The following ZBTB20 variants were observed in gnomAD, a reference collection of about 807,000 sequenced individuals.
ZBTB20 encodes zinc finger and BTB domain-containing protein 20.
In ZBTB20, 9 loss-of-function variants were observed where a neutral mutation model predicts 56.9. The observed-to-expected ratio is 0.16, with a 90% CI of 0.10 to 0.28. ZBTB20 has a LOEUF of 0.28. Ranked by LOEUF, ZBTB20 falls within the 10% of genes least tolerant of loss-of-function variation. The pLI, the probability that ZBTB20 is intolerant of heterozygous loss-of-function variation, is 1.00. For missense variants in ZBTB20, 655 were observed against 1,003.0 expected, an observed-to-expected ratio of 0.65 and a Z score of 4.69; for synonymous variants, 417 against 420.7, an observed-to-expected ratio of 0.99 and a Z score of 0.11.
At chr3:114,659,621 T>C (rs1264981458) in intron 6 of ZBTB20, among the ~76,000 whole-genome samples, 1 of 152,160 alleles carries the variant, frequency 6.6e-6, no homozygotes, top group African/African-American at 2.4e-5. Flanking sequence ...AGAACTTACT[T>C]GGTCCCTTGT....
At chr3:114,654,129 CTT>C (rs1271570639) in intron 6 of ZBTB20, among the ~76,000 whole-genome samples, 2 of 151,360 alleles carry the variant, frequency 1.3e-5, no homozygotes, top group Non-Finnish European at 3.0e-5. Flanking sequence ...TATTTGTTTT[CTT>C]TTTTTACTGC....
At chr3:115,129,098 CA>C (rs910104429) in intron 1 of ZBTB20, among the ~76,000 whole-genome samples, 78 of 140,676 alleles carry the variant, frequency 5.5e-4, no homozygotes, top group African/African-American at 1.2e-3. Flanking sequence ...GACTCCGTCT[CA>C]AAAAAAAAAA....
At chr3:114,460,925 G>A (rs2092300111) in intron 7 of ZBTB20, among the ~76,000 whole-genome samples, 1 of 152,150 alleles carries the variant, frequency 6.6e-6, no homozygotes, top group Non-Finnish European at 1.5e-5. Flanking sequence ...AAGTCAAGGA[G>A]GGTCTTTTCT....
chr3:115,031,820 A>C (rs1260218455), intron 2 of ZBTB20, among the ~76,000 whole-genome samples: 2 of 151,488 alleles, frequency 1.3e-5, no homozygotes, highest in Non-Finnish European at 3.0e-5. Flanking sequence ...ATTAGTACAA[A>C]ATGATTTGGT....
In ZBTB20 at chr3:114,338,815, C is replaced by T. The variant is rs2079553487; in HGVS notation, c.*190G>A. The T allele has an allele frequency of 1.7e-6, 1 of 587,876 alleles. No individual in the cohort carries two copies. 36.4% of individuals were successfully genotyped at this position (587,876 alleles called of 1,614,324 possible). A position where few individuals can be genotyped will look rare whatever the true frequency, so the allele number is the denominator to read the frequency against. On this transcript the variant is annotated 3_prime_UTR_variant, in exon 12 of 12. Transcript: ENST00000675478. ...GGAAAACTATTATTCACCCAAGCCT[C>T]CGGAAATGTAATGTACCAGCAGGCA...
At chr3:115,143,537 T>C (rs890554289) in intron 1 of ZBTB20, among the ~76,000 whole-genome samples, 2 of 152,122 alleles carry the variant, frequency 1.3e-5, no homozygotes, top group East Asian at 3.8e-4. Flanking sequence ...CTGAAAAAGA[T>C]TTAGGTACTT....
At chr3:114,815,659 T>C (rs2072863417) in intron 4 of ZBTB20, among the ~76,000 whole-genome samples, 1 of 152,178 alleles carries the variant, frequency 6.6e-6, no homozygotes. Context: ...TACTACTCAT[T>C]GTTATTGCTT....
At chr3:114,753,324 C>CA (rs756251155) in intron 5 of ZBTB20, among the ~76,000 whole-genome samples, 64 of 117,092 alleles carry the variant, frequency 5.5e-4, no homozygotes, top group East Asian at 1.7e-3. Context: ...TATATGTATA[C>CA]CTGTATATAT....
intron 4 of ZBTB20, among the ~76,000 whole-genome samples, chr3:114,816,423 A>AT (rs2072923282): frequency 6.6e-6 from 1 of 152,200 alleles, no homozygotes; most frequent in Admixed American, 6.5e-5. Flanking sequence ...AATCAATAGT[A>AT]TTACTTTTGA....
chr3:115,041,232 A>C (rs1661936464), intron 2 of ZBTB20, among the ~76,000 whole-genome samples: 1 of 152,184 alleles, frequency 6.6e-6, no homozygotes, highest in African/African-American at 2.4e-5. Flanking sequence ...AAGTCATGTT[A>C]TATTCACCAT....
intron 6 of ZBTB20, among the ~76,000 whole-genome samples, chr3:114,539,167 G>A (rs978157015): frequency 3.3e-5 from 5 of 152,072 alleles, no homozygotes; most frequent in Non-Finnish European, 5.9e-5. Context: ...CCTAGCTTTA[G>A]AAGATTATAA....
Position 114,777,155 on chromosome 3 carries a change from A to C in ZBTB20, c.-343+23946T>G, listed in dbSNP as rs7649162. ...CTTTCCTTTAGCTATTCAAAGAAAA[A>C]TCTATTTTTAAGGTTTAACCCAAAG... On this transcript the variant is annotated intron_variant, in intron 5 of 11. Coordinates refer to ENST00000675478, the MANE Select transcript of ZBTB20 (RefSeq NM_001348800.3). Among the ~76,000 whole-genome samples the C allele has an allele frequency of 7.8e-3, 1,184 of 152,310 alleles. 12 individuals carry two copies. Among genetic ancestry groups the C allele is most frequent in the African/African-American group, 0.026 (1,072 of 41,562 alleles).
intron 1 of ZBTB20, among the ~76,000 whole-genome samples, chr3:115,108,976 T>C (rs2083799629): frequency 6.6e-6 from 1 of 152,168 alleles, no homozygotes; most frequent in South Asian, 2.1e-4. Flanking sequence ...TTAAATGATA[T>C]GATTATCTTT....
chr3:114,380,799 C>A lies in ZBTB20; in HGVS notation c.-12G>T. On this transcript the variant is annotated 5_prime_UTR_variant, in exon 9 of 12. Transcript: ENST00000675478. ...TACCGTTCTAGCATTTGTCAGGAAG[C>A]TTAGAGACAGGACTCGTGGAGTAAT... 6.6e-7 allele frequency: 1 copy of A among 1,509,420 alleles called. No individual in the cohort carries two copies. The highest frequency in any genetic ancestry group is 8.8e-7 in the Non-Finnish European group (1 of 1,137,240). The allele number at this position is 1,509,420 out of a possible 1,614,324, so 93.5% of individuals were successfully genotyped here. A position where few individuals can be genotyped will look rare whatever the true frequency, so the allele number is the denominator to read the frequency against.
At chr3:114,560,509 G>T (rs1375008425) in intron 6 of ZBTB20, among the ~76,000 whole-genome samples, 1 of 152,186 alleles carries the variant, frequency 6.6e-6, no homozygotes, top group African/African-American at 2.4e-5. Context: ...ACTTGGTAAT[G>T]AGGGGTAAAA....
chr3:114,852,271 T>A (rs938517652), intron 4 of ZBTB20, among the ~76,000 whole-genome samples: 16 of 151,884 alleles, frequency 1.1e-4, no homozygotes, highest in Admixed American at 5.9e-4. Flanking sequence ...ATTTTATTTA[T>A]TTTATTTTTT....
intron 6 of ZBTB20, among the ~76,000 whole-genome samples, chr3:114,692,775 G>A (rs2062776353): frequency 6.6e-6 from 1 of 152,108 alleles, no homozygotes; most frequent in South Asian, 2.1e-4. Flanking sequence ...AAGAATTCTA[G>A]AAGGCCACAA....
At chr3:115,137,346 A>G (rs2084678884) in intron 1 of ZBTB20, among the ~76,000 whole-genome samples, 1 of 152,062 alleles carries the variant, frequency 6.6e-6, no homozygotes, top group African/African-American at 2.4e-5. Flanking sequence ...TATACATGAC[A>G]GAAGTACTTG....
intron 2 of ZBTB20, among the ~76,000 whole-genome samples, chr3:114,991,169 G>C (rs1938629039): frequency 6.6e-6 from 1 of 152,042 alleles, no homozygotes; most frequent in South Asian, 2.1e-4. Context: ...TTTTGCTCTT[G>C]CTTCTCTAGT....
Sources: allele counts gnomAD v4.1 joint callset (sites outside exome capture counted in the v4.1 genomes callset), GRCh38; gene constraint gnomAD v4.1.1; transcripts MANE v1.5; gene names NCBI Gene and HGNC (gene_info 2026-07-23, HGNC 2026-07-21).